The following ENTHD1 variants were observed in gnomAD, a reference collection of about 807,000 sequenced individuals.
ENTHD1 encodes the protein ENTH domain-containing protein 1.
In ENTHD1, 23 loss-of-function variants were observed where a neutral mutation model predicts 39.1. That is an observed-to-expected ratio of 0.59 (90% CI 0.42 to 0.83). The LOEUF (loss-of-function observed/expected upper bound fraction) is 0.83. Among genes scored for constraint, ENTHD1 ranks in the 40% least tolerant of loss-of-function variants. The pLI, the probability that ENTHD1 is intolerant of heterozygous loss-of-function variation, is 0.00. For synonymous variants in ENTHD1, 230 were observed against 258.2 expected, an observed-to-expected ratio of 0.89 and a Z score of 1.05; for missense variants, 624 against 705.4, an observed-to-expected ratio of 0.88 and a Z score of 1.31.
At chr22:39,860,886 A>G (rs572918234) in intron 3 of ENTHD1, among the ~76,000 whole-genome samples, 1 of 152,338 alleles carries the variant, frequency 6.6e-6, no homozygotes, top group African/African-American at 2.4e-5. Context: ...TTTTCTACTC[A>G]TGTCTATTAT....
intron 3 of ENTHD1, among the ~76,000 whole-genome samples, chr22:39,855,382 A>G (rs1204512384): frequency 6.6e-6 from 1 of 151,856 alleles, no homozygotes; most frequent in Non-Finnish European, 1.5e-5. Flanking sequence ...TAGTCAGACA[A>G]CTCTGTATTA....
chr22:39,789,707 T>C (rs2065489014), intron 5 of ENTHD1, among the ~76,000 whole-genome samples: 1 of 152,150 alleles, frequency 6.6e-6, no homozygotes, highest in Non-Finnish European at 1.5e-5. Flanking sequence ...AAAGCTTACA[T>C]TACAGTGGGG....
intron 3 of ENTHD1, among the ~76,000 whole-genome samples, chr22:39,852,170 C>CAA (rs759951926): frequency 2.2e-5 from 3 of 135,640 alleles, no homozygotes; most frequent in African/African-American, 5.4e-5. Flanking sequence ...TTGTTTCTAC[C>CAA]AAAAAAAAAA....
At chr22:39,871,018 G>A (rs747368039) in intron 2 of ENTHD1, among the ~76,000 whole-genome samples, 1 of 151,540 alleles carries the variant, frequency 6.6e-6, no homozygotes, top group Admixed American at 6.6e-5. Flanking sequence ...ACATTAAAAA[G>A]AAAGAAAGAA....
intron 2 of ENTHD1, among the ~76,000 whole-genome samples, chr22:39,876,311 G>A (rs2066289016): frequency 6.6e-6 from 1 of 152,158 alleles, no homozygotes; most frequent in Admixed American, 6.5e-5. Context: ...CCACTGTTAA[G>A]CACTGTTATG....
chr22:39,838,730 GTC>G (rs1420580068), intron 3 of ENTHD1, among the ~76,000 whole-genome samples: 1 of 151,974 alleles, frequency 6.6e-6, no homozygotes, highest in Non-Finnish European at 1.5e-5. Context: ...ATTGTAATAA[GTC>G]AATCTAGAAG....
chr22:39,768,904 C>G (rs139351678), intron 5 of ENTHD1, among the ~76,000 whole-genome samples: 9 of 151,896 alleles, frequency 5.9e-5, no homozygotes, highest in African/African-American at 2.2e-4. Flanking sequence ...TTCCTACTGT[C>G]GATGAACTAA....
chr22:39,870,266 C>T (rs908247015), intron 2 of ENTHD1, among the ~76,000 whole-genome samples: 3 of 151,952 alleles, frequency 2.0e-5, no homozygotes, highest in Admixed American at 2.0e-4. Context: ...GCCTTGACCT[C>T]CCAAAGTGAT....
chr22:39,812,713 T>C (rs2065699988), intron 5 of ENTHD1, among the ~76,000 whole-genome samples: 1 of 152,206 alleles, frequency 6.6e-6, no homozygotes, highest in African/African-American at 2.4e-5. Flanking sequence ...TGGTAGCTAA[T>C]GCTACATCAC....
At chr22:39,886,126 T>G (rs1472618300) in intron 2 of ENTHD1, among the ~76,000 whole-genome samples, 3 of 152,076 alleles carry the variant, frequency 2.0e-5, no homozygotes, top group African/African-American at 7.2e-5. Context: ...GGAGGAATCT[T>G]AAGTACATAT....
At chr22:39,788,535 C>T (rs754241335) in intron 5 of ENTHD1, among the ~76,000 whole-genome samples, 8 of 152,120 alleles carry the variant, frequency 5.3e-5, no homozygotes, top group Non-Finnish European at 8.8e-5. Context: ...TTAGTGAAGA[C>T]GCTGTGAACA....
Position 39,867,298 on chromosome 22 carries a change from A to G in ENTHD1, c.350-5291T>C, listed in dbSNP as rs1378299445. Among the ~76,000 whole-genome samples, 1 of 152,200 alleles carries G rather than the reference A, an allele frequency of 6.6e-6. No individual in the cohort carries two copies. Among genetic ancestry groups the G allele is most frequent in the Non-Finnish European group, 1.5e-5 (1 of 68,040 alleles). On this transcript the variant is annotated intron_variant, in intron 2 of 6. Coordinates refer to ENST00000325157, the MANE Select transcript of ENTHD1 (RefSeq NM_152512.4). The surrounding 1 kb of genome is among the most constrained non-coding windows in gnomAD (Gnocchi z 4.5). The stretch of plus-strand genomic sequence containing the variant: ...TTTGGCATTGAGATGCACCACTAGG[A>G]AAAATATGTATCAGAAGATCTTTAT...
chr22:39,812,128 C>CTACA (rs2065692973), intron 5 of ENTHD1, among the ~76,000 whole-genome samples: 1 of 152,272 alleles, frequency 6.6e-6, no homozygotes, highest in Non-Finnish European at 1.5e-5. Flanking sequence ...CTTCCTCAAC[C>CTACA]TACACCTAGA....
Position 39,890,150 on chromosome 22 carries a change from A to G in ENTHD1, c.-155-2247T>C, listed in dbSNP as rs184488310. Among the ~76,000 whole-genome samples the G allele has an allele frequency of 4.7e-3, 692 of 148,246 alleles. 1 individual carries two copies. The highest frequency in any genetic ancestry group is 6.3e-3 in the Non-Finnish European group (419 of 66,720). On this transcript the variant is annotated intron_variant, in intron 1 of 6. Coordinates refer to ENST00000325157, the MANE Select transcript of ENTHD1 (RefSeq NM_152512.4). ...AATAAATAAATAAATAAATAAATAA[A>G]AAAGAAAATGTATTAAATATCTGTT... is the stretch of plus-strand genomic sequence containing the variant.
At chr22:39,811,109 TG>T (rs1337380532) in intron 5 of ENTHD1, among the ~76,000 whole-genome samples, 1 of 152,218 alleles carries the variant, frequency 6.6e-6, no homozygotes, top group Non-Finnish European at 1.5e-5. Flanking sequence ...ATGCCACATC[TG>T]TGACGTTTTT....
intron 5 of ENTHD1, among the ~76,000 whole-genome samples, chr22:39,799,116 G>A (rs1470816046): frequency 6.6e-6 from 1 of 152,342 alleles, no homozygotes; most frequent in African/African-American, 2.4e-5. Flanking sequence ...ACTGGCTGTA[G>A]TGGGGTGATC....
chr22:39,856,274 C>CA (rs34598525), intron 3 of ENTHD1, among the ~76,000 whole-genome samples: 6,387 of 50,004 alleles, frequency 0.13, 280 homozygotes, highest in Middle Eastern at 0.18. Context: ...AACTTCATCT[C>CA]AAAAAAAAAA....
chr22:39,875,712 G>A, intron 2 of ENTHD1: 2 of 1,612,762 alleles, frequency 1.2e-6, no homozygotes, highest in Non-Finnish European at 1.7e-6. Flanking sequence ...TCCAGCATGA[G>A]TGCTTCTGCT....
chr22:39,752,767 A>G (rs1317755745), intron 6 of ENTHD1, among the ~76,000 whole-genome samples: 1 of 152,232 alleles, frequency 6.6e-6, no homozygotes, highest in African/African-American at 2.4e-5. Context: ...AACAGCAGGC[A>G]GGAGATGTAT....
Sources: allele counts gnomAD v4.1 joint callset (sites outside exome capture counted in the v4.1 genomes callset), GRCh38; gene constraint gnomAD v4.1.1; non-coding constraint Gnocchi (gnomAD v3.1); transcripts MANE v1.5; gene names NCBI Gene and HGNC (gene_info 2026-07-23, HGNC 2026-07-21).